AK6: variants seen among roughly 807,000 people sequenced by gnomAD.
The protein encoded by AK6 is adenylate kinase isoenzyme 6.
AK6 carries 24 observed loss-of-function variants against 23.7 expected under a neutral mutation model. The ratio of observed to expected loss-of-function variants is 1.01; its 90% CI spans 0.73 to 1.43. AK6 has a LOEUF of 1.43. Among genes scored for constraint, AK6 ranks in the 40% most tolerant of loss-of-function variants. The pLI, the probability that AK6 is intolerant of heterozygous loss-of-function variation, is 0.00. For synonymous variants in AK6, 73 were observed against 69.8 expected (o/e 1.05, Z -0.23); for missense variants, 191 against 199.1 (o/e 0.96, Z 0.24).
chr5:69,354,962 A>AC (rs1186515443), intron 4 of AK6, among the ~76,000 whole-genome samples: 1 of 151,996 alleles, frequency 6.6e-6, no homozygotes, highest in East Asian at 1.9e-4. Context: ...AGTAGCTGGG[A>AC]CTGTACAGGT....
intron 1 of AK6, 192 bp downstream of exon 1, chr5:69,369,271 G>C (rs1044806657): frequency 2.3e-4 from 22 of 96,174 alleles, no homozygotes; most frequent in African/African-American, 9.8e-4. Context: ...CGGAATTAAC[G>C]TTCCGCGTCC....
chr5:69,358,188 T>C (rs998400999), intron 2 of AK6, among the ~76,000 whole-genome samples: 9 of 152,298 alleles, frequency 5.9e-5, no homozygotes, highest in South Asian at 2.1e-4. Context: ...CTTGAATAGA[T>C]AAACACGGAG....
Position 69,352,273 on chromosome 5 carries a change from A to G in AK6, c.327-20T>C. The G allele has an allele frequency of 6.3e-7, 1 of 1,586,464 alleles. No individual in the cohort carries two copies. Among genetic ancestry groups the G allele is most frequent in the Non-Finnish European group, 8.6e-7 (1 of 1,164,870 alleles). ...TAACCCCTAGAAGGCAGGGAGGTTA[A>G]GCAAACAAGAAGCAAAATAAATGGC... On this transcript the variant is annotated intron_variant, in intron 4 of 4. Coordinates refer to ENST00000380822, the MANE Select transcript of AK6 (RefSeq NM_016283.5).
At chr5:69,368,471 G>A (rs931654036) in intron 1 of AK6, among the ~76,000 whole-genome samples, 1 of 152,118 alleles carries the variant, frequency 6.6e-6, no homozygotes, top group African/African-American at 2.4e-5. Context: ...TTAAAGTTTT[G>A]ACAATGACTT....
Position 69,355,849 on chromosome 5 carries a change from C to A in AK6, c.180+46G>T. The A allele has an allele frequency of 5.6e-6, 9 of 1,596,300 alleles. No homozygotes were observed. In the South Asian group the frequency reaches 9.2e-5, roughly 16 times the overall value. ...CTTAAGAAAACTGAAGTCAACTTTC[C>A]TATGAAATTCAACAAATGCATACTT... On this transcript the variant is annotated intron_variant, in intron 3 of 4. Transcript: ENST00000380822.
chr5:69,369,228 C>T (rs17236149), intron 1 of AK6: 19 of 66,124 alleles, frequency 2.9e-4, no homozygotes, highest in South Asian at 3.9e-4. Context: ...CTCTCTCCAC[C>T]CCCCCCCGCC....
At chr5:69,367,998 CAAACAAAAACAA>C (rs1338173294) in intron 1 of AK6, 1 of 152,148 alleles carries the variant, frequency 6.6e-6, no homozygotes, top group African/African-American at 2.4e-5. Context: ...GACTCTGTCT[CAAACAAAAACAA>C]AAACAAGAAC....
chr5:69,369,566 C>T, upstream of AK6: 1 of 1,607,164 alleles, frequency 6.2e-7, no homozygotes, highest in South Asian at 1.1e-5. Flanking sequence ...AAGGGGCGGG[C>T]GGCAGCAAAA....
chr5:69,359,744 T>C (rs903701279), intron 2 of AK6, among the ~76,000 whole-genome samples: 3 of 152,346 alleles, frequency 2.0e-5, no homozygotes, highest in Admixed American at 2.0e-4. Context: ...TATTTTCATA[T>C]TTCTTCTTTT....
rs1469908773 is a variant in AK6 at position 69,351,729 on chromosome 5, C to A, written c.*332G>T. ...GAAAGAAAAAAGGAATACTCTGTTG[C>A]TTTATCTTTAGTTTTATTTTAAGAG... On this transcript the variant is annotated 3_prime_UTR_variant, in exon 5 of 5. Transcript: ENST00000380822. The A allele has an allele frequency of 5.3e-6, 1 of 190,156 alleles. No individual in the cohort carries two copies. The highest frequency in any genetic ancestry group is 1.1e-5 in the Non-Finnish European group (1 of 94,236). 11.8% of individuals were successfully genotyped at this position (190,156 alleles called of 1,614,324 possible).
At chr5:69,352,279 C>T (rs755162054) in intron 4 of AK6, 26 bp from the exon 5 acceptor site, 4 of 1,570,034 alleles carry the variant, frequency 2.5e-6, no homozygotes, top group Non-Finnish European at 3.5e-6. Flanking sequence ...GTTAAGCAAA[C>T]AAGAAGCAAA....
intron 1 of AK6, 39 bp downstream of exon 1, chr5:69,369,424 C>G: frequency 1.2e-6 from 2 of 1,603,958 alleles, no homozygotes; most frequent in Non-Finnish European, 1.7e-6. Context: ...GCGCCCCCAG[C>G]CTGCCCCAGC....
intron 2 of AK6, chr5:69,365,704 T>C (rs956907075): frequency 4.4e-6 from 7 of 1,577,940 alleles, no homozygotes; most frequent in Non-Finnish European, 6.0e-6. Flanking sequence ...TCTTTCGGCA[T>C]GCTCTTGGGA....
At chr5:69,362,775 G>T (rs1198601153) in intron 2 of AK6, among the ~76,000 whole-genome samples, 1 of 151,614 alleles carries the variant, frequency 6.6e-6, no homozygotes, top group Non-Finnish European at 1.5e-5. Flanking sequence ...ACCCCACAAA[G>T]TACCTCCATC....
At chr5:69,353,423 G>A (rs1466942692) in intron 4 of AK6, among the ~76,000 whole-genome samples, 2 of 151,726 alleles carry the variant, frequency 1.3e-5, no homozygotes, top group Non-Finnish European at 2.9e-5. Flanking sequence ...TCAGCCTCCT[G>A]AGTAGCTGGG....
In AK6 at chr5:69,366,560, C is replaced by A. The variant is rs2150740321; in HGVS notation, c.64G>T (p.Glu22Ter). ...PGVGKTTLGK[E>*]LASKSGLKYI... ...TTCAGTCCTGATTTTGACGCAAGTT[C>A]TTTGCCTAGTGTGGTTTTTCCAACC... The change falls in exon 2 of 5, where the codon GAA (glutamate) becomes TAA (stop). Residue 22 changes from glutamate to a stop codon, truncating the protein, a stop_gained. Coordinates refer to ENST00000380822, the MANE Select transcript of AK6 (RefSeq NM_016283.5). LOFTEE classifies it high-confidence loss of function. 1 of 1,614,084 alleles carries A rather than the reference C, an allele frequency of 6.2e-7. No individual in the cohort carries two copies. The highest frequency in any genetic ancestry group is 8.5e-7 in the Non-Finnish European group (1 of 1,180,008).
chr5:69,364,099 TA>T (rs1762319061), intron 2 of AK6, among the ~76,000 whole-genome samples: 1 of 151,604 alleles, frequency 6.6e-6, no homozygotes, highest in South Asian at 2.1e-4. Context: ...GGAAATAAAA[TA>T]AAATGAAATG....
rs1365348355 is a variant in AK6, at chr5:69,351,543, A to G, written c.*518T>C. 2 of 152,400 alleles carry G rather than the reference A, an allele frequency of 1.3e-5. No homozygotes were observed. Among genetic ancestry groups the G allele is most frequent in the African/African-American group, 4.8e-5 (2 of 41,456 alleles). 9.4% of individuals were successfully genotyped at this position (152,400 alleles called of 1,614,324 possible). ...ACTGTGCAGGCATAAAACCTCTAAA[A>G]AGACATATAGGAAACCAGTAACATT... On this transcript the variant is annotated 3_prime_UTR_variant, in exon 5 of 5. Coordinates refer to ENST00000380822, the MANE Select transcript of AK6 (RefSeq NM_016283.5).
chr5:69,355,535 AC>A lies in AK6; in HGVS notation c.326+113del, dbSNP rs1209008205. 7.6e-6 allele frequency: 9 copies of A among 1,191,170 alleles called. No individual in the cohort carries two copies. In the East Asian group the frequency reaches 7.9e-5, roughly 10 times the overall value. The allele number at this position is 1,191,170 out of a possible 1,614,324, so 73.8% of individuals were successfully genotyped here. Reference sequence around the variant, plus strand: ...GACAGCGAGACTCTATCTCAAAAAAACAAAACAAAACAAAACAAAACAAACA... The same window carrying A: ...GACAGCGAGACTCTATCTCAAAAAAAAAAACAAAACAAAACAAAACAAACA... On this transcript the variant is annotated intron_variant, in intron 4 of 4. Transcript: ENST00000380822.
Sources: allele counts gnomAD v4.1 joint callset (sites outside exome capture counted in the v4.1 genomes callset), GRCh38; gene constraint gnomAD v4.1.1; transcripts MANE v1.5; gene names NCBI Gene and HGNC (gene_info 2026-07-23, HGNC 2026-07-21).